CELF2: variants seen among roughly 807,000 people sequenced by gnomAD.
The protein encoded by CELF2 is CUGBP Elav-like family member 2, also known as CUG triplet repeat RNA-binding protein 2.
Under a neutral mutation model 62.6 loss-of-function variants are expected in CELF2, and 8 were observed. That is an observed-to-expected ratio of 0.13 (90% CI 0.07 to 0.23). CELF2 has a LOEUF of 0.23. CELF2 is among the 10% of genes least tolerant of loss of function. The probability of loss-of-function intolerance (pLI) is 1.00; values close to 1 mark genes in which losing one functional copy is unlikely to be tolerated. For synonymous variants in CELF2, 258 were observed against 250.0 expected, an observed-to-expected ratio of 1.03 and a Z score of -0.30; for missense variants, 333 against 671.0, an observed-to-expected ratio of 0.50 and a Z score of 5.56.
At chr10:11,107,799 TTCTCCCTCC>T (rs1423944456) in intron 1 of CELF2, among the ~76,000 whole-genome samples, 29 of 142,370 alleles carry the variant, frequency 2.0e-4, no homozygotes, top group African/African-American at 7.6e-4. Context: ...CCCTTTCCTC[TTCTCCCTCC>T]TCCCTCTTCT....
intron 1 of CELF2, among the ~76,000 whole-genome samples, chr10:11,089,265 T>G (rs1055451854): frequency 6.6e-6 from 1 of 152,194 alleles, no homozygotes; most frequent in African/African-American, 2.4e-5. Context: ...ACAGTGGAGG[T>G]TGGCAGCCGA....
chr10:10,852,553 A>G (rs373796201), intron 1 of CELF2, among the ~76,000 whole-genome samples: 2 of 152,210 alleles, frequency 1.3e-5, no homozygotes, highest in East Asian at 1.9e-4. Context: ...ACAATCCTAC[A>G]CGTGTGGCAA....
the CELF2 span, among the ~76,000 whole-genome samples, chr10:10,628,502 C>G: frequency 6.6e-6 from 1 of 152,194 alleles, no homozygotes; most frequent in Non-Finnish European, 1.5e-5. Flanking sequence ...TGAATCAATT[C>G]CATGAAACAT....
chr10:11,225,949 C>T (rs758074639), intron 3 of CELF2, among the ~76,000 whole-genome samples: 8 of 152,178 alleles, frequency 5.3e-5, no homozygotes, highest in Admixed American at 1.3e-4. Context: ...AAATTAACTT[C>T]TCTGACCTCC....
chr10:10,494,223 T>C, the CELF2 span, among the ~76,000 whole-genome samples: 1 of 152,226 alleles, frequency 6.6e-6, no homozygotes, highest in Admixed American at 6.5e-5. Context: ...ATGTTTCCTT[T>C]CAAAGGAAGG....
At chr10:11,196,545 T>C (rs1378915125) in intron 2 of CELF2, among the ~76,000 whole-genome samples, 1 of 151,966 alleles carries the variant, frequency 6.6e-6, no homozygotes, top group Non-Finnish European at 1.5e-5. Context: ...TTCATGCCGG[T>C]GGTCCCAGCT....
Position 11,005,405 on chromosome 10 carries a change from C to G in CELF2, c.18C>G (p.Ser6=), listed in dbSNP as rs754462854. Residue 6 remains serine, a synonymous_variant, in exon 1 of 13, where the codon TCC becomes TCG. Transcript: ENST00000416382. The surrounding 1 kb of genome is among the most constrained non-coding windows in gnomAD (Gnocchi z 4.3). ...ATAGAAGCATGCGCTGTCCCAAATC[C>G]GCTGTTACTATGAGAAATGAAGAGC... The G allele has an allele frequency of 6.2e-7, 1 of 1,613,724 alleles. No individual in the cohort carries two copies. The highest frequency in any genetic ancestry group is 1.3e-5 in the African/African-American group (1 of 74,876).
chr10:10,533,021 A>G, the CELF2 span, among the ~76,000 whole-genome samples: 1 of 152,192 alleles, frequency 6.6e-6, no homozygotes, highest in Admixed American at 6.5e-5. Context: ...CTGTCTCTGC[A>G]AATTTAAATC....
intron 2 of CELF2, among the ~76,000 whole-genome samples, chr10:10,975,451 A>T (rs1479464951): frequency 2.0e-5 from 3 of 152,162 alleles, no homozygotes; most frequent in Non-Finnish European, 4.4e-5. Flanking sequence ...TGTTTAAATG[A>T]TTGATTTTCT....
At chr10:11,015,632 A>C (rs2057151401), upstream of CELF2, among the ~76,000 whole-genome samples, 1 of 152,232 alleles carries the variant, frequency 6.6e-6, no homozygotes, top group South Asian at 2.1e-4. This position sits in a 1 kb window ranked among gnomAD's most constrained non-coding sequence, Gnocchi z 4.8. Context: ...AGCAAATGTG[A>C]TTTGAAAACT....
At chr10:11,133,746 A>G (rs939604303) in intron 1 of CELF2, among the ~76,000 whole-genome samples, 4 of 152,154 alleles carry the variant, frequency 2.6e-5, no homozygotes, top group Non-Finnish European at 5.9e-5. Context: ...TTGCACACCT[A>G]TCACCTTGGC....
At chr10:10,825,983 G>A (rs1172070837) in intron 1 of CELF2, among the ~76,000 whole-genome samples, 1 of 152,132 alleles carries the variant, frequency 6.6e-6, no homozygotes, top group African/African-American at 2.4e-5. Flanking sequence ...GCCAGGAGCT[G>A]TACTAAGACT....
At chr10:10,914,143 A>G (rs1338941935) in intron 1 of CELF2, among the ~76,000 whole-genome samples, 2 of 147,592 alleles carry the variant, frequency 1.4e-5, no homozygotes, top group Non-Finnish European at 1.5e-5. Context: ...AAAAAAAAAA[A>G]TGTTCTCTGT....
intron 1 of CELF2, among the ~76,000 whole-genome samples, chr10:11,099,896 A>AC (rs1204898519): frequency 2.1e-5 from 3 of 141,032 alleles, no homozygotes; most frequent in African/African-American, 8.4e-5. Flanking sequence ...AAAAAAAAAA[A>AC]AAAAAACAGA....
chr10:10,800,664 C>T (rs1300535034), intron 1 of CELF2, among the ~76,000 whole-genome samples: 1 of 152,162 alleles, frequency 6.6e-6, no homozygotes, highest in Non-Finnish European at 1.5e-5. Context: ...TAATGAACAT[C>T]TTTGTGTACC....
At chr10:11,236,297 G>C (rs2071250175) in intron 3 of CELF2, among the ~76,000 whole-genome samples, 1 of 152,218 alleles carries the variant, frequency 6.6e-6, no homozygotes, top group African/African-American at 2.4e-5. Flanking sequence ...AGATTTGCTT[G>C]TTAGAGGGGT....
rs1279523734 is a variant in CELF2, at chr10:11,177,422, A to T, written c.271+11740A>T. Among the ~76,000 whole-genome samples, 1 of 93,348 alleles carries T rather than the reference A, an allele frequency of 1.1e-5. No homozygotes were observed. The highest frequency in any genetic ancestry group is 2.1e-5 in the Non-Finnish European group (1 of 47,728). 61.2% of individuals were successfully genotyped at this position (93,348 alleles called of 152,430 possible). The stretch of plus-strand genomic sequence containing the variant: ...TGGCTTATGTTTGCATGTGTGAATT[A>T]AAAAAAAAAAAAAGAGAAAATTAGG... On this transcript the variant is annotated intron_variant, in intron 2 of 12. Coordinates refer to ENST00000633077, the MANE Select transcript of CELF2 (RefSeq NM_001326342.2). This position sits in a 1 kb window ranked among gnomAD's most constrained non-coding sequence, Gnocchi z 4.8.
At chr10:10,899,718 C>T (rs552286016) in intron 1 of CELF2, among the ~76,000 whole-genome samples, 1 of 152,258 alleles carries the variant, frequency 6.6e-6, no homozygotes, top group African/African-American at 2.4e-5. Context: ...TTGGGAGGCC[C>T]CAGGAAACTT....
the CELF2 span, among the ~76,000 whole-genome samples, chr10:10,787,274 CT>C: frequency 6.6e-6 from 1 of 151,906 alleles, no homozygotes. Flanking sequence ...TATATCAAGC[CT>C]TTTTTTGCAA....
Sources: allele counts gnomAD v4.1 joint callset (sites outside exome capture counted in the v4.1 genomes callset), GRCh38; gene constraint gnomAD v4.1.1; non-coding constraint Gnocchi (gnomAD v3.1); transcripts MANE v1.5; gene names NCBI Gene and HGNC (gene_info 2026-07-23, HGNC 2026-07-21).